The following CDK19 variants were observed in gnomAD, a reference collection of about 807,000 sequenced individuals.
CDK19 encodes the protein cyclin dependent kinase 19, also known as cyclin-dependent kinase 19.
Under a neutral mutation model 68.3 loss-of-function variants are expected in CDK19, and 20 were observed. The observed-to-expected ratio is 0.29, with a 90% confidence interval of 0.21 to 0.43. The LOEUF (loss-of-function observed/expected upper bound fraction) is 0.43. Among genes scored for constraint, CDK19 ranks in the 20% least tolerant of loss-of-function variants. The pLI is 1.00. For missense variants in CDK19, 339 were observed against 623.5 expected, an observed-to-expected ratio of 0.54 and a Z score of 4.86; for synonymous variants, 221 against 222.8, an observed-to-expected ratio of 0.99 and a Z score of 0.07.
chr6:110,748,043 T>C (rs1392217931), intron 1 of CDK19, among the ~76,000 whole-genome samples: 1 of 152,248 alleles, frequency 6.6e-6, no homozygotes, highest in African/African-American at 2.4e-5. Context: ...TGATGTATTC[T>C]TGAAACAAAA....
Position 110,667,533 on chromosome 6 carries a change from C to T in CDK19, c.357G>A (p.Lys119=), listed in dbSNP as rs1432508521. Residue 119 remains lysine (K), a synonymous_variant, in exon 4 of 13, where the codon AAG becomes AAA. Coordinates refer to ENST00000368911, the MANE Select transcript of CDK19 (RefSeq NM_015076.5). ...CCATAGATCTTGGCAACTGCATGGGCTTTTTATTTGCTTTTGATGCACGGT... is the reference window on the plus strand; with the variant it reads ...CCATAGATCTTGGCAACTGCATGGGTTTTTTATTTGCTTTTGATGCACGGT... ...KFHRASKANK[K]PMQLPRSMVK... The T allele has an allele frequency of 3.8e-6, 6 of 1,581,042 alleles. No individual in the cohort carries two copies. The highest frequency in any genetic ancestry group is 5.2e-6 in the Non-Finnish European group (6 of 1,159,920).
At chr6:110,622,231 A>G in intron 10 of CDK19, 65 bp from the exon 11 acceptor site, 1 of 1,112,256 alleles carries the variant, frequency 9.0e-7, no homozygotes, top group Non-Finnish European at 1.3e-6. Context: ...TACCTTGTTA[A>G]TTTAAAATTC....
At chr6:110,707,628 T>C (rs1382875361) in intron 2 of CDK19, among the ~76,000 whole-genome samples, 1 of 152,156 alleles carries the variant, frequency 6.6e-6, no homozygotes, top group East Asian at 1.9e-4. Context: ...ACAACAGCAG[T>C]TTTAACAGCT....
intron 1 of CDK19, among the ~76,000 whole-genome samples, chr6:110,761,243 C>T (rs1175811821): frequency 6.6e-6 from 1 of 152,076 alleles, no homozygotes; most frequent in African/African-American, 2.4e-5. Flanking sequence ...CTACCCTGCC[C>T]AGCACACAAT....
chr6:110,812,559 A>C (rs1007629388), intron 1 of CDK19, among the ~76,000 whole-genome samples: 8 of 152,216 alleles, frequency 5.3e-5, no homozygotes, highest in African/African-American at 1.9e-4. Context: ...TGTAGTATTA[A>C]ACTTTTCTAA....
At chr6:110,739,306 C>T (rs1328860017) in intron 2 of CDK19, among the ~76,000 whole-genome samples, 1 of 152,136 alleles carries the variant, frequency 6.6e-6, no homozygotes, top group Non-Finnish European at 1.5e-5. Context: ...TGGCTTTCCA[C>T]CATGTGGAGA....
chr6:110,794,210 T>A (rs1200878773), intron 1 of CDK19, among the ~76,000 whole-genome samples: 1 of 150,874 alleles, frequency 6.6e-6, no homozygotes, highest in Non-Finnish European at 1.5e-5. Context: ...CACGCCTAGC[T>A]AACTTTTGTA....
chr6:110,716,683 A>G (rs1386755935), intron 2 of CDK19, among the ~76,000 whole-genome samples: 2 of 152,220 alleles, frequency 1.3e-5, no homozygotes, highest in African/African-American at 4.8e-5. Flanking sequence ...AGGTAATTTC[A>G]TAAGGGATAT....
At chr6:110,712,101 T>C (rs1774989093) in intron 2 of CDK19, among the ~76,000 whole-genome samples, 1 of 152,206 alleles carries the variant, frequency 6.6e-6, no homozygotes, top group South Asian at 2.1e-4. Flanking sequence ...CCAAATGATG[T>C]TATGTAGGCC....
intron 2 of CDK19, among the ~76,000 whole-genome samples, chr6:110,681,753 C>A (rs1383742146): frequency 1.3e-5 from 2 of 152,210 alleles, no homozygotes; most frequent in Non-Finnish European, 2.9e-5. Flanking sequence ...ATTAAGTAGA[C>A]CATTATTTTC....
intron 2 of CDK19, among the ~76,000 whole-genome samples, chr6:110,698,880 G>C (rs1283747910): frequency 6.6e-6 from 1 of 151,692 alleles, no homozygotes; most frequent in East Asian, 1.9e-4. Flanking sequence ...GGACTGACCT[G>C]GGCAAGATGA....
chr6:110,643,060 C>T (rs899747038), intron 4 of CDK19: 2 of 458,994 alleles, frequency 4.4e-6, no homozygotes, highest in South Asian at 4.5e-5. Context: ...GACACTGAGC[C>T]TTGGGCCACC....
At chr6:110,623,158 A>G in intron 9 of CDK19, 132 bp downstream of exon 9, 1 of 761,978 alleles carries the variant, frequency 1.3e-6, no homozygotes, top group South Asian at 1.8e-5. Flanking sequence ...TGACATCTCA[A>G]CAAAAAAAAT....
chr6:110,729,071 C>T (rs985163114), intron 2 of CDK19, among the ~76,000 whole-genome samples: 3 of 152,126 alleles, frequency 2.0e-5, no homozygotes, highest in African/African-American at 7.2e-5. Flanking sequence ...ATGCCAGGCA[C>T]TATGTTAAGT....
intron 2 of CDK19, among the ~76,000 whole-genome samples, chr6:110,728,263 G>C (rs993536542): frequency 2.0e-5 from 3 of 151,024 alleles, no homozygotes; most frequent in Admixed American, 2.0e-4. Context: ...ACTCCAGCCT[G>C]GGTGACAGAG....
chr6:110,698,403 A>T (rs1773677445), intron 2 of CDK19, among the ~76,000 whole-genome samples: 1 of 152,216 alleles, frequency 6.6e-6, no homozygotes, highest in Admixed American at 6.5e-5. Context: ...ATATATGAAA[A>T]AAATGCTCAA....
intron 2 of CDK19, among the ~76,000 whole-genome samples, chr6:110,682,031 C>T (rs1418263221): frequency 2.6e-5 from 4 of 152,164 alleles, no homozygotes; most frequent in Admixed American, 6.5e-5. Flanking sequence ...AGAATCCATT[C>T]GTATTTTTAT....
At chr6:110,679,494 C>T (rs534996576) in intron 2 of CDK19, among the ~76,000 whole-genome samples, 1 of 152,042 alleles carries the variant, frequency 6.6e-6, no homozygotes, top group South Asian at 2.1e-4. Flanking sequence ...TGCCTATAAT[C>T]CTAGCTACTC....
chr6:110,725,712 T>C (rs1776270795), intron 2 of CDK19, among the ~76,000 whole-genome samples: 1 of 152,208 alleles, frequency 6.6e-6, no homozygotes, highest in African/African-American at 2.4e-5. Context: ...CACCTTTAAA[T>C]AGAACCTAGA....
Sources: allele counts gnomAD v4.1 joint callset (sites outside exome capture counted in the v4.1 genomes callset), GRCh38; gene constraint gnomAD v4.1.1; transcripts MANE v1.5; gene names NCBI Gene and HGNC (gene_info 2026-07-23, HGNC 2026-07-21).